The following SESTD1 variants were observed in gnomAD, a reference collection of about 807,000 sequenced individuals.
SESTD1 encodes the protein SEC14 domain and spectrin repeat-containing protein 1.
In SESTD1, 43 loss-of-function variants were observed where a neutral mutation model predicts 101.7. The ratio of observed to expected loss-of-function variants is 0.42; its 90% CI spans 0.33 to 0.55. The LOEUF (loss-of-function observed/expected upper bound fraction) is 0.55. Ranked by LOEUF, SESTD1 falls within the 20% of genes least tolerant of loss-of-function variation. The pLI, the probability that SESTD1 is intolerant of heterozygous loss-of-function variation, is 0.07. For missense variants in SESTD1, 647 were observed against 815.1 expected (o/e 0.79, Z 2.51); for synonymous variants, 283 against 286.8 (o/e 0.99, Z 0.13).
chr2:179,176,379 T>C, intron 4 of SESTD1, 69 bp downstream of exon 4: 1 of 1,191,500 alleles, frequency 8.4e-7, no homozygotes, highest in Non-Finnish European at 1.2e-6. Flanking sequence ...TTAAATGCAT[T>C]TGCCATTTTC....
chr2:179,210,322 A>C (rs2046635581), intron 1 of SESTD1, among the ~76,000 whole-genome samples: 1 of 134,910 alleles, frequency 7.4e-6, no homozygotes, highest in African/African-American at 2.9e-5. Context: ...TCCTCCCTAA[A>C]TCATTCTGTG....
At chr2:179,207,721 C>G (rs1485731924) in intron 1 of SESTD1, among the ~76,000 whole-genome samples, 7 of 135,030 alleles carry the variant, frequency 5.2e-5, no homozygotes, top group East Asian at 2.0e-4. Flanking sequence ...AGAATCTGAA[C>G]AGCAGCCCCT....
chr2:179,171,219 T>C (rs1296388512), intron 5 of SESTD1, among the ~76,000 whole-genome samples: 4 of 152,208 alleles, frequency 2.6e-5, no homozygotes, highest in Non-Finnish European at 5.9e-5. Flanking sequence ...GCACGTAAAT[T>C]ATAGCTTAAT....
rs1259572204 is a variant in SESTD1, at chr2:179,214,460, AC to A, written c.-25-22595del. 2.2e-5 allele frequency among the ~76,000 whole-genome samples: 3 copies of A among 134,572 alleles called. 1 individual carries two copies. The highest frequency in any genetic ancestry group is 4.8e-5 in the Non-Finnish European group (3 of 62,676). 88.3% of individuals were successfully genotyped at this position (134,572 alleles called of 152,430 possible). On this transcript the variant is annotated intron_variant, in intron 1 of 17. Transcript: ENST00000428443. ...AGCTAACTATCCTAAATATATATGCACCCAATACAGGAGCACCCAGATTCAT... is the reference window on the plus strand; with the variant it reads ...AGCTAACTATCCTAAATATATATGCACCAATACAGGAGCACCCAGATTCAT...
At chr2:179,207,457 T>C (rs2046604743) in intron 1 of SESTD1, among the ~76,000 whole-genome samples, 1 of 134,272 alleles carries the variant, frequency 7.4e-6, no homozygotes, top group South Asian at 2.9e-4. Context: ...AAAACTAAAA[T>C]CAAGGACTCC....
At chr2:179,136,258 AC>A (rs1240800116) in intron 9 of SESTD1, among the ~76,000 whole-genome samples, 4 of 152,182 alleles carry the variant, frequency 2.6e-5, no homozygotes, top group African/African-American at 9.7e-5. Flanking sequence ...TATATGTAAG[AC>A]AGCACATTAA....
Position 179,216,421 on chromosome 2 carries a change from A to G in SESTD1, c.-25-24555T>C, listed in dbSNP as rs190605883. On this transcript the variant is annotated intron_variant, in intron 1 of 17. Transcript: ENST00000428443. ...TAAAATACCTAGGAATCCAACTTACAACGGATGTGAAGGACCTCTTCAAGG... is the reference window on the plus strand; with the variant it reads ...TAAAATACCTAGGAATCCAACTTACGACGGATGTGAAGGACCTCTTCAAGG... Among the ~76,000 whole-genome samples, 10 of 134,930 alleles carry G rather than the reference A, an allele frequency of 7.4e-5. 1 individual carries two copies. Among genetic ancestry groups the G allele is most frequent in the African/African-American group, 1.5e-4 (5 of 33,980 alleles). 88.5% of individuals were successfully genotyped at this position (134,930 alleles called of 152,430 possible).
intron 7 of SESTD1, 28 bp from the exon 8 acceptor site, chr2:179,146,485 A>T (rs1199121914): frequency 5.7e-6 from 9 of 1,587,220 alleles, no homozygotes; most frequent in Admixed American, 1.7e-5. Flanking sequence ...AGTAATTTTC[A>T]AAAGGCATAT....
intron 1 of SESTD1, among the ~76,000 whole-genome samples, chr2:179,234,391 A>G (rs566629572): frequency 3.9e-5 from 6 of 152,330 alleles, no homozygotes; most frequent in African/African-American, 1.4e-4. Flanking sequence ...CATTCACACT[A>G]AAAAGAATTA....
intron 6 of SESTD1, among the ~76,000 whole-genome samples, chr2:179,150,172 T>G (rs998162166): frequency 5.3e-5 from 8 of 152,202 alleles, no homozygotes; most frequent in Non-Finnish European, 8.8e-5. Context: ...TTGCAGTGTG[T>G]GGTGATCATG....
chr2:179,251,180 A>G (rs1353220213), intron 1 of SESTD1, among the ~76,000 whole-genome samples: 3 of 152,200 alleles, frequency 2.0e-5, no homozygotes, highest in African/African-American at 2.4e-5. Flanking sequence ...TATATATACA[A>G]TAAGATCCCA....
In SESTD1 at chr2:179,108,124, G is replaced by A. The variant is rs1299220985; in HGVS notation, c.*1775C>T. 3 of 152,126 alleles carry A rather than the reference G, an allele frequency of 2.0e-5. No individual in the cohort carries two copies. The East Asian group carries it at 5.8e-4, about 29-fold the overall frequency. The allele number at this position is 152,126 out of a possible 1,614,324, so 9.4% of individuals were successfully genotyped here. Reference sequence around the variant, plus strand: ...ATGTCAACTAGGCAATTAAAAAGAAGTACAAGTCTAGATTTCTGGACCAGG... The same window carrying A: ...ATGTCAACTAGGCAATTAAAAAGAAATACAAGTCTAGATTTCTGGACCAGG... On this transcript the variant is annotated 3_prime_UTR_variant, in exon 18 of 18. Coordinates refer to ENST00000428443, the MANE Select transcript of SESTD1 (RefSeq NM_178123.5).
chr2:179,217,137 T>C (rs2046734561), intron 1 of SESTD1, among the ~76,000 whole-genome samples: 1 of 151,606 alleles, frequency 6.6e-6, no homozygotes, highest in South Asian at 2.1e-4. Context: ...ACAAATGGGA[T>C]CTAATTAAAC....
chr2:179,217,401 A>C (rs559484654), intron 1 of SESTD1, among the ~76,000 whole-genome samples: 5 of 152,372 alleles, frequency 3.3e-5, no homozygotes, highest in Non-Finnish European at 7.3e-5. Context: ...ACTGGCCATC[A>C]GAGAAATGCA....
intron 5 of SESTD1, among the ~76,000 whole-genome samples, chr2:179,152,623 T>C (rs2045552814): frequency 1.3e-5 from 2 of 152,040 alleles, no homozygotes; most frequent in African/African-American, 4.8e-5. Flanking sequence ...AGTTATAATA[T>C]CAACAATAAA....
Position 179,109,011 on chromosome 2 carries a change from G to GT in SESTD1, c.*887dup, listed in dbSNP as rs1248850087. ...TCAGCCCTCCTCCCCTAAAGACAAA[G>GT]TATCTTCAGGGTAGTTAATAATTTT... On this transcript the variant is annotated 3_prime_UTR_variant, in exon 18 of 18. Coordinates refer to ENST00000428443, the MANE Select transcript of SESTD1 (RefSeq NM_178123.5). The GT allele has an allele frequency of 1.3e-5, 2 of 152,062 alleles. No individual in the cohort carries two copies. Among genetic ancestry groups the GT allele is most frequent in the African/African-American group, 4.8e-5 (2 of 41,352 alleles). The allele number at this position is 152,062 out of a possible 1,614,324, so 9.4% of individuals were successfully genotyped here. A position where few individuals can be genotyped will look rare whatever the true frequency, so the allele number is the denominator to read the frequency against.
Position 179,264,755 on chromosome 2 carries a change from C to G in SESTD1, c.-282G>C, listed in dbSNP as rs2047539022. 13 of 151,744 alleles carry G rather than the reference C, an allele frequency of 8.6e-5. 1 individual carries two copies. The South Asian group carries it at 2.3e-3, about 27-fold the overall frequency. The allele number at this position is 151,744 out of a possible 1,614,324, so 9.4% of individuals were successfully genotyped here. A position where few individuals can be genotyped will look rare whatever the true frequency, so the allele number is the denominator to read the frequency against. ...CCGGCGACCTCTCGGCACCCGCGGC[C>G]CGAGCCGCGTCCGCGCGACCCCGCG... On this transcript the variant is annotated 5_prime_UTR_variant, in exon 1 of 18. Coordinates refer to ENST00000428443, the MANE Select transcript of SESTD1 (RefSeq NM_178123.5).
intron 1 of SESTD1, among the ~76,000 whole-genome samples, chr2:179,195,040 G>C (rs576828758): frequency 4.6e-5 from 7 of 152,300 alleles, no homozygotes; most frequent in Admixed American, 1.3e-4. Context: ...AAGGACAAGA[G>C]ACAGGCTTAA....
intron 1 of SESTD1, among the ~76,000 whole-genome samples, chr2:179,199,308 A>C (rs1300962109): frequency 2.0e-5 from 3 of 152,168 alleles, no homozygotes; most frequent in Non-Finnish European, 2.9e-5. Context: ...TTGTGGCAAT[A>C]TTCAATAGCT....
Sources: gnomAD v4.1 joint callset for allele counts (sites outside exome capture counted in the v4.1 genomes callset) on GRCh38, gnomAD v4.1.1 for gene constraint, MANE v1.5 for transcripts, NCBI Gene and HGNC (gene_info 2026-07-23, HGNC 2026-07-21) for gene names.